DSG4: variants seen among roughly 807,000 people sequenced by gnomAD.
DSG4 encodes the protein desmoglein 4, also known as desmoglein-4.
In DSG4, 87 loss-of-function variants were observed where a neutral mutation model predicts 93.1. The ratio of observed to expected loss-of-function variants is 0.93; its 90% CI spans 0.79 to 1.12. The LOEUF (loss-of-function observed/expected upper bound fraction) is 1.12, where lower values mean the gene tolerates loss of function less well. Among genes scored for constraint, DSG4 ranks in the 50% most tolerant of loss-of-function variants. The probability of loss-of-function intolerance (pLI) is 0.00; values close to 1 mark genes in which losing one functional copy is unlikely to be tolerated. For synonymous variants in DSG4, 432 were observed against 452.9 expected (o/e 0.95, Z 0.59); for missense variants, 1,373 against 1,285.7 (o/e 1.07, Z -1.04).
chr18:31,409,125 T>A lies in DSG4; in HGVS notation c.1934-327T>A, dbSNP rs117335409. On this transcript the variant is annotated intron_variant, in intron 12 of 15. Transcript: ENST00000308128. Reference sequence around the variant, plus strand: ...ATATTCATGATGCGTTTAACTTACATGTATGTGTGCATCTGCCCCAACCAG... The same window carrying A: ...ATATTCATGATGCGTTTAACTTACAAGTATGTGTGCATCTGCCCCAACCAG... 2.6e-4 allele frequency among the ~76,000 whole-genome samples: 40 copies of A among 152,308 alleles called. 1 individual carries two copies. In the East Asian group the frequency reaches 6.8e-3, roughly 26 times the overall value.
chr18:31,387,052 G>A (rs1370035074), intron 3 of DSG4, among the ~76,000 whole-genome samples: 1 of 152,096 alleles, frequency 6.6e-6, no homozygotes, highest in Non-Finnish European at 1.5e-5. Flanking sequence ...CAGCACAACT[G>A]GGCTTTGTTC....
chr18:31,376,790 A>T lies in DSG4; in HGVS notation c.-122A>T. The T allele has an allele frequency of 9.8e-7, 1 of 1,023,896 alleles. No individual in the cohort carries two copies. 63.4% of individuals were successfully genotyped at this position (1,023,896 alleles called of 1,614,324 possible). A position where few individuals can be genotyped will look rare whatever the true frequency, so the allele number is the denominator to read the frequency against. ...CTGCCCAGAGATCACCACAGTTATC[A>T]CCCATGCCCTCCTAAAAGGGTGTCT... is the stretch of plus-strand genomic sequence containing the variant. On this transcript the variant is annotated 5_prime_UTR_variant, in exon 1 of 16. Coordinates refer to ENST00000308128, the MANE Select transcript of DSG4 (RefSeq NM_177986.5).
At position 31,392,189 on chromosome 18, in the gene DSG4, C is replaced by T. The variant is rs1244455121; in HGVS notation, c.854C>T (p.Ser285Leu). The change falls in exon 8 of 16, where the codon TCG becomes TTG. Residue 285 changes from serine to leucine, a missense_variant. Transcript: ENST00000308128. ...SASIEENCLS[S>L]ELIRLQAIDL... ...AGTATTGAAGAGAATTGTTTAAGTT[C>T]GGAACTGATACGATTACAAGCAATT... 14 of 1,613,484 alleles carry T rather than the reference C, an allele frequency of 8.7e-6. No individual in the cohort carries two copies. The highest frequency in any genetic ancestry group is 2.2e-5 in the East Asian group (1 of 44,786).
At chr18:31,388,315 T>A (rs1400803827) in intron 3 of DSG4, 52 bp from the exon 4 acceptor site, 6 of 1,603,682 alleles carry the variant, frequency 3.7e-6, no homozygotes, top group Non-Finnish European at 5.1e-6. Context: ...ACTACACTCT[T>A]AAGCATTATC....
Position 31,406,350 on chromosome 18 carries a change from T to C in DSG4, c.1910T>C (p.Val637Ala). ...GGACCAGCAGGGATTGGCATGATGG[T>C]TCTGGGCATCCTGCTACTGATTTGT... ...GLGPAGIGMM[V>A]LGILLLILAP... The change falls in exon 12 of 16, where the codon GTT (valine) becomes GCT (alanine). Residue 637 changes from valine to alanine, a missense_variant. Val to Ala is a moderately conservative substitution (Grantham distance 64). Transcript: ENST00000308128. 1 of 1,614,162 alleles carries C rather than the reference T, an allele frequency of 6.2e-7. No homozygotes were observed. Among genetic ancestry groups the C allele is most frequent in the Non-Finnish European group, 8.5e-7 (1 of 1,180,024 alleles).
Position 31,406,263 on chromosome 18 carries a change from T to A in DSG4, c.1823T>A (p.Ile608Lys), listed in dbSNP as rs748650084. 1 of 1,614,148 alleles carries A rather than the reference T, an allele frequency of 6.2e-7. No homozygotes were observed. Among genetic ancestry groups the A allele is most frequent in the Admixed American group, 1.7e-5 (1 of 60,018 alleles). The change falls in exon 12 of 16, where the codon ATA becomes AAA. Residue 608 changes from isoleucine to lysine, a missense_variant. Coordinates refer to ENST00000308128, the MANE Select transcript of DSG4 (RefSeq NM_177986.5). ...SGAAGIYTED[I>K]TGDTYGPVTE... ...GCCGCGGGCATCTACACAGAGGACA[T>A]AACTGGTGACACGTATGGGCCTGTC...
At chr18:31,410,796 A>C (rs2072478588) in intron 14 of DSG4, among the ~76,000 whole-genome samples, 1 of 152,182 alleles carries the variant, frequency 6.6e-6, no homozygotes, top group African/African-American at 2.4e-5. Context: ...AAACTCCGTG[A>C]CTGAACATCC....
chr18:31,397,916 A>C (rs2072322043), intron 8 of DSG4, among the ~76,000 whole-genome samples: 1 of 150,994 alleles, frequency 6.6e-6, no homozygotes, highest in Non-Finnish European at 1.5e-5. Flanking sequence ...AGTCCCAGCT[A>C]CTTGGGAGGC....
intron 12 of DSG4, among the ~76,000 whole-genome samples, chr18:31,409,113 G>A (rs368641596): frequency 5.9e-5 from 9 of 152,066 alleles, no homozygotes; most frequent in Non-Finnish European, 8.8e-5. Context: ...TTCATGATGC[G>A]TTTAACTTAC....
In DSG4 at chr18:31,406,340, G is replaced by A; in HGVS notation, c.1900G>A (p.Gly634Ser). ...TGTTGGTCTTGGACCAGCAGGGATT[G>A]GCATGATGGTTCTGGGCATCCTGCT... is the stretch of plus-strand genomic sequence containing the variant. ...SNVGLGPAGI[G>S]MMVLGILLLI... The change falls in exon 12 of 16, where the codon GGC (glycine) becomes AGC (serine). Residue 634 changes from glycine to serine, a missense_variant. By Grantham distance (56) the Gly-to-Ser change is moderately conservative (BLOSUM62 0). Coordinates refer to ENST00000308128, the MANE Select transcript of DSG4 (RefSeq NM_177986.5). 2 of 1,614,172 alleles carry A rather than the reference G, an allele frequency of 1.2e-6. No individual in the cohort carries two copies. Among genetic ancestry groups the A allele is most frequent in the Non-Finnish European group, 1.7e-6 (2 of 1,180,036 alleles).
intron 14 of DSG4, among the ~76,000 whole-genome samples, chr18:31,410,833 G>T (rs961784129): frequency 2.0e-5 from 3 of 152,152 alleles, no homozygotes; most frequent in Non-Finnish European, 2.9e-5. Flanking sequence ...ATCCTGTTCC[G>T]GAGTGAAGGA....
chr18:31,406,016 C>T, intron 11 of DSG4, 61 bp from the exon 12 acceptor site: 1 of 1,599,260 alleles, frequency 6.3e-7, no homozygotes, highest in South Asian at 1.1e-5. Context: ...GGAGAGTTAA[C>T]CACCCCCCTA....
chr18:31,386,551 A>G, intron 2 of DSG4, 137 bp from the exon 3 acceptor site: 1 of 1,303,284 alleles, frequency 7.7e-7, no homozygotes, highest in Non-Finnish European at 1.1e-6. Context: ...CAGAGTTGTG[A>G]ATTGGTGAAA....
rs181420765 is a variant in DSG4 at position 31,399,921 on chromosome 18, C to T, written c.1277+378C>T. Among the ~76,000 whole-genome samples the T allele has an allele frequency of 8.8e-3, 1,335 of 152,190 alleles. 14 individuals carry two copies. The highest frequency in any genetic ancestry group is 0.013 in the Non-Finnish European group (892 of 68,000). ...TTGAGTCACTGCTTGTTTTCTTAAACCTGTGTTACTATGACTTAGAGACTA... is the reference window on the plus strand; with the variant it reads ...TTGAGTCACTGCTTGTTTTCTTAAATCTGTGTTACTATGACTTAGAGACTA... On this transcript the variant is annotated intron_variant, in intron 9 of 15. Coordinates refer to ENST00000308128, the MANE Select transcript of DSG4 (RefSeq NM_177986.5).
chr18:31,398,278 C>A (rs1360946812), intron 8 of DSG4, among the ~76,000 whole-genome samples: 1 of 152,124 alleles, frequency 6.6e-6, no homozygotes, highest in African/African-American at 2.4e-5. Flanking sequence ...AAATCTCAAA[C>A]CTCAAGGGTT....
chr18:31,395,998 G>C (rs1342298738), intron 8 of DSG4, among the ~76,000 whole-genome samples: 1 of 152,128 alleles, frequency 6.6e-6, no homozygotes, highest in Non-Finnish European at 1.5e-5. Context: ...TATGGTCCCT[G>C]TTCTCAAGGA....
intron 5 of DSG4, among the ~76,000 whole-genome samples, 189 bp from the exon 6 acceptor site, chr18:31,390,467 G>A (rs2072235215): frequency 1.3e-5 from 2 of 152,104 alleles, no homozygotes; most frequent in Non-Finnish European, 1.5e-5. Flanking sequence ...ACAGTAAAGG[G>A]TTTTATAAAG....
chr18:31,386,612 T>C, intron 2 of DSG4, 76 bp from the exon 3 acceptor site: 1 of 1,589,714 alleles, frequency 6.3e-7, no homozygotes, highest in Non-Finnish European at 8.6e-7. Context: ...AAATGCACCT[T>C]ACAATATTAA....
At chr18:31,398,746 G>A (rs752762580) in intron 8 of DSG4, among the ~76,000 whole-genome samples, 3 of 151,788 alleles carry the variant, frequency 2.0e-5, no homozygotes, top group Non-Finnish European at 2.9e-5. Flanking sequence ...CAGACCCGGC[G>A]ACTATAATCA....
Sources: allele counts gnomAD v4.1 joint callset (sites outside exome capture counted in the v4.1 genomes callset), GRCh38; gene constraint gnomAD v4.1.1; transcripts MANE v1.5; gene names NCBI Gene and HGNC (gene_info 2026-07-23, HGNC 2026-07-21).